FAT2: variants seen among roughly 807,000 people sequenced by gnomAD.
FAT2 encodes FAT atypical cadherin 2.
FAT2 carries 150 observed loss-of-function variants against 295.3 expected under a neutral mutation model. The ratio of observed to expected loss-of-function variants is 0.51; its 90% CI spans 0.44 to 0.58. The LOEUF is 0.58. Ranked by LOEUF, FAT2 falls within the 20% of genes least tolerant of loss-of-function variation. The pLI is 0.00. For synonymous variants in FAT2, 2,026 were observed against 2,150.3 expected, an observed-to-expected ratio of 0.94 and a Z score of 1.60; for missense variants, 4,868 against 5,442.7, an observed-to-expected ratio of 0.89 and a Z score of 3.32.
At position 151,555,289 on chromosome 5, in the gene FAT2, T is replaced by G. The variant is rs1402484760; in HGVS notation, c.3634-616A>C. Among the ~76,000 whole-genome samples the G allele has an allele frequency of 2.0e-5, 3 of 152,310 alleles. No individual in the cohort carries two copies. In the East Asian group the frequency reaches 5.8e-4, roughly 29 times the overall value. ...TTGGTGTTTAAAGGTAAATATCTGTTACTGAACTGTGGAGAATGCTTTCAG... is the reference window on the plus strand; with the variant it reads ...TTGGTGTTTAAAGGTAAATATCTGTGACTGAACTGTGGAGAATGCTTTCAG... On this transcript the variant is annotated intron_variant, in intron 4 of 23. Transcript: ENST00000261800.
At chr5:151,539,619 A>C (rs1311052661) in intron 11 of FAT2, among the ~76,000 whole-genome samples, 2 of 152,176 alleles carry the variant, frequency 1.3e-5, no homozygotes, top group African/African-American at 2.4e-5. Flanking sequence ...TGATAATTTG[A>C]GATGTTATAA....
In FAT2 at chr5:151,545,430, T is replaced by C; in HGVS notation, c.5697A>G (p.Glu1899=). Residue 1899 remains glutamate (E), a synonymous_variant, in exon 10 of 24, where the codon GAA becomes GAG. Transcript: ENST00000261800. ...TGATGCTATAATTGACTTCTGAGTC[T>C]TCATCGCTGGCCCGCACCATGAGAA... The part of the protein sequence containing the change: ...MELLMVRASD[E]DSEVNYSIKT... The C allele has an allele frequency of 6.2e-7, 1 of 1,614,180 alleles. No homozygotes were observed. The highest frequency in any genetic ancestry group is 8.5e-7 in the Non-Finnish European group (1 of 1,180,018).
intron 3 of FAT2, 31 bp downstream of exon 3, chr5:151,563,294 T>C (rs1758101713): frequency 1.9e-6 from 3 of 1,602,272 alleles, no homozygotes; most frequent in South Asian, 2.2e-5. Flanking sequence ...ATTGTAGAGA[T>C]CCCTGTTCAC....
chr5:151,508,898 C>G (rs1224154201), intron 22 of FAT2, among the ~76,000 whole-genome samples: 1 of 152,152 alleles, frequency 6.6e-6, no homozygotes, highest in African/African-American at 2.4e-5. Flanking sequence ...TAGGCCCATT[C>G]TTGGAGATTC....
chr5:151,532,824 T>C (rs1754795993), intron 13 of FAT2, among the ~76,000 whole-genome samples: 1 of 152,208 alleles, frequency 6.6e-6, no homozygotes, highest in South Asian at 2.1e-4. Context: ...GCCCTGAGCC[T>C]AAGGGTCTCA....
At chr5:151,523,862 C>T (rs1175935709) in intron 18 of FAT2, among the ~76,000 whole-genome samples, 6 of 152,184 alleles carry the variant, frequency 3.9e-5, no homozygotes, top group Admixed American at 1.3e-4. Flanking sequence ...CCTGCCTTCC[C>T]GTCTGGGCCT....
In FAT2 at chr5:151,591,020, C is replaced by T. The variant is rs552312742; in HGVS notation, c.-21+145G>A. ...CCAGGCCCAGATGTCCCTGTCTTCC[C>T]TCTCTGTGCCTGTTCCAGCCATCTC... On this transcript the variant is annotated intron_variant, in intron 1 of 23. Transcript: ENST00000261800. Among the ~76,000 whole-genome samples the T allele has an allele frequency of 1.2e-3, 179 of 152,350 alleles. 2 individuals carry two copies. Among genetic ancestry groups the T allele is most frequent in the Non-Finnish European group, 1.9e-3 (131 of 68,022 alleles).
chr5:151,560,882 A>C (rs1259053125), intron 3 of FAT2, among the ~76,000 whole-genome samples: 1 of 152,228 alleles, frequency 6.6e-6, no homozygotes, highest in Non-Finnish European at 1.5e-5. Flanking sequence ...TCCATTTAGC[A>C]ATTATTTGTT....
At chr5:151,550,292 A>T (rs942347276) in intron 8 of FAT2, among the ~76,000 whole-genome samples, 1 of 152,158 alleles carries the variant, frequency 6.6e-6, no homozygotes, top group African/African-American at 2.4e-5. Context: ...CTGACATTAC[A>T]TGAATCCACA....
At chr5:151,539,992 G>A (rs368450788) in intron 11 of FAT2, among the ~76,000 whole-genome samples, 1 of 152,280 alleles carries the variant, frequency 6.6e-6, no homozygotes, top group Non-Finnish European at 1.5e-5. Flanking sequence ...TGGGCATGGG[G>A]TGAGGGGTTT....
At position 151,521,200 on chromosome 5, in the gene FAT2, T is replaced by G. The variant is rs1342861748; in HGVS notation, c.11317+76A>C. 2.1e-6 allele frequency: 3 copies of G among 1,449,402 alleles called. No homozygotes were observed. In the Admixed American group the frequency reaches 6.4e-5, roughly 31 times the overall value. The allele number at this position is 1,449,402 out of a possible 1,614,324, so 89.8% of individuals were successfully genotyped here. A position where few individuals can be genotyped will look rare whatever the true frequency, so the allele number is the denominator to read the frequency against. The stretch of plus-strand genomic sequence containing the variant: ...CCTGAACTCTCCCACAGAGCCTCAG[T>G]GGAATCTCCATGCTTAGAGTCAGGC... On this transcript the variant is annotated intron_variant, in intron 19 of 23. Transcript: ENST00000261800.
At chr5:151,526,344 AGCCAATT>A (rs1411743092) in intron 17 of FAT2, among the ~76,000 whole-genome samples, 1 of 152,258 alleles carries the variant, frequency 6.6e-6, no homozygotes, top group Non-Finnish European at 1.5e-5. Context: ...CGATTTGCAA[AGCCAATT>A]GAACACTTAT....
intron 14 of FAT2, among the ~76,000 whole-genome samples, chr5:151,529,807 T>C (rs1373125962): frequency 1.3e-5 from 2 of 152,176 alleles, no homozygotes; most frequent in Non-Finnish European, 2.9e-5. Context: ...ATGACAGACC[T>C]CAGGGCATAA....
intron 15 of FAT2, among the ~76,000 whole-genome samples, chr5:151,528,701 A>G (rs1005705873): frequency 5.3e-5 from 8 of 152,100 alleles, no homozygotes; most frequent in Non-Finnish European, 7.4e-5. Flanking sequence ...AGGTGGGATG[A>G]AGAGTGTGGG....
intron 4 of FAT2, among the ~76,000 whole-genome samples, chr5:151,555,984 T>C (rs1757659239): frequency 6.6e-6 from 1 of 152,194 alleles, no homozygotes; most frequent in African/African-American, 2.4e-5. Flanking sequence ...GTTTTCATCC[T>C]GGCTCTGCTA....
chr5:151,511,896 A>G (rs1761350274), intron 21 of FAT2: 1 of 500,420 alleles, frequency 2.0e-6, no homozygotes, highest in Non-Finnish European at 3.6e-6. Context: ...AAGGTATGTG[A>G]TTAATTCAAC....
At chr5:151,555,273 A>AAAGGT (rs1757580034) in intron 4 of FAT2, among the ~76,000 whole-genome samples, 1 of 152,222 alleles carries the variant, frequency 6.6e-6, no homozygotes, top group Admixed American at 6.5e-5. Flanking sequence ...TTTGGTGTTT[A>AAAGGT]AAGGTAAATA....
chr5:151,535,460 G>A (rs951104072), intron 12 of FAT2, among the ~76,000 whole-genome samples: 5 of 152,066 alleles, frequency 3.3e-5, no homozygotes, highest in African/African-American at 4.8e-5. Flanking sequence ...ACTGGGTTCC[G>A]AGAGCTTCCA....
At position 151,546,220 on chromosome 5, in the gene FAT2, C is replaced by A. The variant is rs61743240; in HGVS notation, c.4907G>T (p.Gly1636Val). 107 of 1,614,110 alleles carry A rather than the reference C, an allele frequency of 6.6e-5. No homozygotes were observed. The highest frequency in any genetic ancestry group is 6.7e-5 in the Admixed American group (4 of 60,014). The part of the protein sequence containing the change: ...HTLTVKAEDQ[G>V]SPQWHDLATV... ...AGCCAGGTCATGCCATTGTGGGGAGCCTTGATCTTCTGCCTTCACTGTCAG... is the reference window on the plus strand; with the variant it reads ...AGCCAGGTCATGCCATTGTGGGGAGACTTGATCTTCTGCCTTCACTGTCAG... Residue 1636 changes from glycine to valine, a missense_variant, in exon 10 of 24, where the codon GGC becomes GTC. Around this residue, in one of 5 missense-constraint regions of FAT2, gnomAD observed 3,297 missense variants for 3,669.4 expected, o/e 0.90. Coordinates refer to ENST00000261800, the MANE Select transcript of FAT2 (RefSeq NM_001447.3).
Sources: allele counts gnomAD v4.1 joint callset (sites outside exome capture counted in the v4.1 genomes callset), GRCh38; gene constraint gnomAD v4.1.1; regional missense constraint gnomAD v4.1.1; transcripts MANE v1.5; gene names NCBI Gene and HGNC (gene_info 2026-07-23, HGNC 2026-07-21).